The following CPED1 variants were observed in gnomAD, a reference collection of about 807,000 sequenced individuals.
CPED1 encodes cadherin like and PC-esterase domain containing 1, also known as cadherin-like and PC-esterase domain-containing protein 1.
In CPED1, 114 loss-of-function variants were observed where a neutral mutation model predicts 128.2. The observed-to-expected ratio is 0.89, with a 90% confidence interval of 0.76 to 1.04. The LOEUF (loss-of-function observed/expected upper bound fraction) is 1.04, where lower values mean the gene tolerates loss of function less well. Among genes scored for constraint, CPED1 ranks in the 50% least tolerant of loss-of-function variants. The pLI is 0.00. For synonymous variants in CPED1, 462 were observed against 426.7 expected, an observed-to-expected ratio of 1.08 and a Z score of -1.02; for missense variants, 1,211 against 1,207.1, an observed-to-expected ratio of 1.00 and a Z score of -0.05.
At position 121,130,197 on chromosome 7, in the gene CPED1, A is replaced by G; in HGVS notation, c.1480A>G (p.Asn494Asp). Residue 494 changes from asparagine to aspartate, a missense_variant, in exon 12 of 23, where the codon AAT (asparagine) becomes GAT (aspartate). By Grantham distance (23) the Asn-to-Asp change is conservative. Transcript: ENST00000310396. ...EFYDVANPVGNPGSVLTQYWS... is the reference protein window; with the variant it reads ...EFYDVANPVGDPGSVLTQYWS... ...TTATGATGTGGCAAATCCTGTGGGA[A>G]ATCCTGGCTCAGTCCTGACCCAATA... 1 of 1,612,984 alleles carries G rather than the reference A, an allele frequency of 6.2e-7. No individual in the cohort carries two copies.
intron 22 of CPED1, among the ~76,000 whole-genome samples, chr7:121,281,052 T>C (rs1198612493): frequency 1.3e-5 from 2 of 152,214 alleles, no homozygotes; most frequent in Non-Finnish European, 2.9e-5. Flanking sequence ...TAATCCAGTA[T>C]AGGACAATTT....
chr7:120,989,987 A>G (rs1796284042), intron 2 of CPED1, 117 bp downstream of exon 2: 5 of 1,242,910 alleles, frequency 4.0e-6, no homozygotes, highest in East Asian at 4.6e-5. Context: ...TCCAGAGTGT[A>G]AACAGCCTAG....
chr7:121,027,749 T>TAATAATA (rs1437308123), intron 3 of CPED1, among the ~76,000 whole-genome samples: 12 of 134,836 alleles, frequency 8.9e-5, no homozygotes, highest in South Asian at 7.2e-4. Context: ...TTAGTAATAA[T>TAATAATA]AATAATAATA....
chr7:121,030,103 A>G (rs974654775), intron 3 of CPED1, among the ~76,000 whole-genome samples: 3 of 152,164 alleles, frequency 2.0e-5, no homozygotes, highest in African/African-American at 7.2e-5. Context: ...ATGGTTAACA[A>G]TGTTGTGCAT....
intron 5 of CPED1, among the ~76,000 whole-genome samples, chr7:121,084,860 C>T (rs974598251): frequency 3.9e-5 from 6 of 152,146 alleles, no homozygotes; most frequent in Non-Finnish European, 8.8e-5. Flanking sequence ...AATGCCTAAC[C>T]ATTTAAACAG....
intron 16 of CPED1, among the ~76,000 whole-genome samples, chr7:121,192,205 C>T (rs547549717): frequency 4.5e-4 from 68 of 152,194 alleles, no homozygotes; most frequent in African/African-American, 1.5e-3. Context: ...TCATCCTTTC[C>T]TACAAGTCAT....
At chr7:121,164,067 T>TA in intron 16 of CPED1, among the ~76,000 whole-genome samples, 1 of 152,346 alleles carries the variant, frequency 6.6e-6, no homozygotes, top group South Asian at 2.1e-4. Context: ...TATTTGTGTG[T>TA]TTGTAAATAT....
chr7:120,994,978 C>G (rs941764245), intron 2 of CPED1, among the ~76,000 whole-genome samples: 1 of 152,108 alleles, frequency 6.6e-6, no homozygotes, highest in African/African-American at 2.4e-5. Flanking sequence ...CCTTTTCAAC[C>G]TTTTTCAAAA....
intron 5 of CPED1, among the ~76,000 whole-genome samples, chr7:121,070,100 G>A (rs1793949791): frequency 6.6e-6 from 1 of 151,172 alleles, no homozygotes; most frequent in African/African-American, 2.4e-5. Context: ...ACCTTTTGTT[G>A]TATCAAAAAC....
chr7:121,060,441 A>T (rs1793629471), intron 4 of CPED1, among the ~76,000 whole-genome samples: 1 of 152,236 alleles, frequency 6.6e-6, no homozygotes, highest in Admixed American at 6.5e-5. Flanking sequence ...TGTCTAGCTC[A>T]GGGATTGTAA....
intron 16 of CPED1, among the ~76,000 whole-genome samples, chr7:121,165,271 A>G (rs1163567770): frequency 6.6e-6 from 1 of 152,188 alleles, no homozygotes; most frequent in Non-Finnish European, 1.5e-5. Flanking sequence ...TTAAGTATCC[A>G]GTAAGTGTTT....
chr7:121,037,255 A>G (rs1166195492), intron 3 of CPED1, among the ~76,000 whole-genome samples: 1 of 151,964 alleles, frequency 6.6e-6, no homozygotes, highest in East Asian at 1.9e-4. Context: ...TGTCTTCTAG[A>G]ATATTTATGG....
chr7:121,165,093 T>C (rs1208899635), intron 16 of CPED1, among the ~76,000 whole-genome samples: 1 of 152,174 alleles, frequency 6.6e-6, no homozygotes, highest in Non-Finnish European at 1.5e-5. Flanking sequence ...CTAACATAAA[T>C]TACTATGTTT....
intron 16 of CPED1, among the ~76,000 whole-genome samples, chr7:121,175,897 G>T (rs1796764628): frequency 6.6e-6 from 1 of 152,020 alleles, no homozygotes; most frequent in Admixed American, 6.6e-5. Flanking sequence ...ATAACAAATA[G>T]ATTTGTCAGG....
chr7:121,284,061 A>G (rs992670051), intron 22 of CPED1, among the ~76,000 whole-genome samples: 2 of 152,188 alleles, frequency 1.3e-5, no homozygotes, highest in Non-Finnish European at 2.9e-5. Context: ...AAAGAGGTTT[A>G]ATTGACACAC....
rs527415099 is a variant in CPED1, at chr7:121,177,823, C to G, written c.2055+35682C>G. On this transcript the variant is annotated intron_variant, in intron 16 of 22. Coordinates refer to ENST00000310396, the MANE Select transcript of CPED1 (RefSeq NM_024913.5). ...TACCTTCCTTCCATGCAGGAAGCAT[C>G]TGCTGTGTTCTATTCTTATGACCAG... 3.3e-5 allele frequency among the ~76,000 whole-genome samples: 5 copies of G among 152,166 alleles called. No homozygotes were observed. The East Asian group carries it at 9.7e-4, about 29-fold the overall frequency.
chr7:121,181,865 A>G (rs1796903949), intron 16 of CPED1, among the ~76,000 whole-genome samples: 1 of 152,120 alleles, frequency 6.6e-6, no homozygotes, highest in African/African-American at 2.4e-5. Context: ...ATAACTCTAA[A>G]TCAAGGAATA....
intron 16 of CPED1, among the ~76,000 whole-genome samples, chr7:121,158,733 T>G (rs1796346332): frequency 6.6e-6 from 1 of 152,080 alleles, no homozygotes; most frequent in Non-Finnish European, 1.5e-5. Context: ...TTAAAAAGAG[T>G]ACTAAGGTTT....
chr7:121,103,156 A>G (rs935101899), intron 7 of CPED1, among the ~76,000 whole-genome samples: 7 of 152,122 alleles, frequency 4.6e-5, no homozygotes, highest in African/African-American at 1.4e-4. Flanking sequence ...TGCTTCATTC[A>G]CTATCTCCTT....
Sources: gnomAD v4.1 joint callset for allele counts (sites outside exome capture counted in the v4.1 genomes callset) on GRCh38, gnomAD v4.1.1 for gene constraint, MANE v1.5 for transcripts, NCBI Gene and HGNC (gene_info 2026-07-23, HGNC 2026-07-21) for gene names.